CHM: variants seen among roughly 807,000 people sequenced by gnomAD.
CHM encodes rab proteins geranylgeranyltransferase component A 1.
CHM carries 10 observed loss-of-function variants against 49.0 expected under a neutral mutation model. The observed-to-expected ratio is 0.20, with a 90% CI of 0.13 to 0.35. The LOEUF (loss-of-function observed/expected upper bound fraction) is 0.35. Among genes scored for constraint, CHM ranks in the 10% least tolerant of loss-of-function variants. The pLI is 1.00. For synonymous variants in CHM, 184 were observed against 167.5 expected (o/e 1.10, Z -0.76); for missense variants, 455 against 478.4 (o/e 0.95, Z 0.46).
intron 8 of CHM, among the ~76,000 whole-genome samples, chrX:85,911,859 G>A (rs1927048304): frequency 9.0e-6 from 1 of 111,445 alleles, no homozygotes; most frequent in Non-Finnish European, 1.9e-5. Flanking sequence ...GAAGCCCTAG[G>A]GAGTGTGTCT....
chrX:85,984,570 C>A (rs986042470), intron 2 of CHM, among the ~76,000 whole-genome samples: 3 of 111,112 alleles, frequency 2.7e-5, no homozygotes, highest in African/African-American at 9.8e-5. Flanking sequence ...AAATATATAC[C>A]CACCTTATGA....
intron 2 of CHM, among the ~76,000 whole-genome samples, chrX:86,021,989 TAGAC>T (rs1396837614): frequency 9.0e-6 from 1 of 111,624 alleles, no homozygotes; most frequent in Non-Finnish European, 1.9e-5. Context: ...GTCAAAATCA[TAGAC>T]AGAAAGTGGA....
At chrX:86,005,025 T>A (rs1046818089) in intron 2 of CHM, among the ~76,000 whole-genome samples, 6 of 112,024 alleles carry the variant, frequency 5.4e-5, no homozygotes, top group Non-Finnish European at 1.1e-4. Flanking sequence ...AAAGCACTCC[T>A]CAGCAAATGT....
At chrX:85,970,941 T>A (rs1930861773) in intron 4 of CHM, 1 of 728,830 alleles carries the variant, frequency 1.4e-6, no homozygotes, top group Admixed American at 8.9e-5. Context: ...ATTTTAGTCT[T>A]TAGCCTGTTT....
At chrX:85,949,544 A>T (rs886489959) in intron 8 of CHM, among the ~76,000 whole-genome samples, 1 of 110,296 alleles carries the variant, frequency 9.1e-6, no homozygotes, top group Non-Finnish European at 1.9e-5. Flanking sequence ...GGAAAGAGTA[A>T]CTAAGAAAAC....
At chrX:85,986,462 T>A (rs1043926063) in intron 2 of CHM, among the ~76,000 whole-genome samples, 3 of 111,240 alleles carry the variant, frequency 2.7e-5, no homozygotes, top group Non-Finnish European at 5.7e-5. Context: ...TGAGGAAACA[T>A]AGCGGAGGCA....
chrX:85,888,731 G>T (rs73504282), intron 12 of CHM, among the ~76,000 whole-genome samples: 8,709 of 110,802 alleles, frequency 0.079, 759 homozygotes, highest in African/African-American at 0.26. Context: ...AAACCTACAC[G>T]CTCTAGCAAA....
chrX:85,913,375 AG>A (rs1428645334), intron 8 of CHM, among the ~76,000 whole-genome samples: 1 of 103,040 alleles, frequency 9.7e-6, no homozygotes, highest in Non-Finnish European at 2.0e-5. Flanking sequence ...AAAGAAAGAA[AG>A]AAAGAAAGAA....
chrX:85,927,636 C>A (rs1928171665), intron 8 of CHM, among the ~76,000 whole-genome samples: 1 of 111,761 alleles, frequency 8.9e-6, no homozygotes, highest in Non-Finnish European at 1.9e-5. Context: ...ATGTTATTAA[C>A]CCCAAACAAC....
chrX:86,047,080 A>T (rs1322258502), intron 1 of CHM, among the ~76,000 whole-genome samples: 1 of 111,385 alleles, frequency 9.0e-6, no homozygotes, highest in Non-Finnish European at 1.9e-5. Context: ...AGTCCTATGA[A>T]ATGGCGAGAC....
In CHM at chrX:85,878,948, T is replaced by C. The variant is rs1924586672; in HGVS notation, c.1609+17A>G. On this transcript the variant is annotated intron_variant, in intron 13 of 14. Transcript: ENST00000357749. The stretch of plus-strand genomic sequence containing the variant: ...TACATTACCTTTCCATCATGAGTTA[T>C]CAATTATTTTTCTTACCTATCTCCA... 1 of 1,054,245 alleles carries C rather than the reference T, an allele frequency of 9.5e-7. No homozygotes were observed. Among genetic ancestry groups the C allele is most frequent in the South Asian group, 1.9e-5 (1 of 52,405 alleles). The allele number at this position is 1,054,245 out of a possible 1,213,427, so 86.9% of individuals were successfully genotyped here.
intron 1 of CHM, among the ~76,000 whole-genome samples, chrX:86,041,311 ACT>A (rs1934447682): frequency 9.0e-6 from 1 of 110,945 alleles, no homozygotes; most frequent in Non-Finnish European, 1.9e-5. Flanking sequence ...GAGTTAGATA[ACT>A]CTTTACTTTT....
At chrX:85,905,049 T>C (rs1387811548) in intron 9 of CHM, among the ~76,000 whole-genome samples, 4 of 111,607 alleles carry the variant, frequency 3.6e-5, no homozygotes, top group African/African-American at 9.8e-5. Context: ...ACTTAATACC[T>C]GCTCTTACCA....
chrX:86,010,434 C>T (rs1263143489), intron 2 of CHM, among the ~76,000 whole-genome samples: 1 of 108,837 alleles, frequency 9.2e-6, no homozygotes, highest in African/African-American at 3.3e-5. Context: ...AATATTAATT[C>T]CTGAGTTTTT....
Position 86,027,476 on chromosome X carries a change from C to A in CHM, c.116+15G>T, listed in dbSNP as rs749482551. The A allele has an allele frequency of 2.5e-6, 3 of 1,180,150 alleles. No individual in the cohort carries two copies. Among genetic ancestry groups the A allele is most frequent in the Non-Finnish European group, 3.5e-6 (3 of 867,232 alleles). On this transcript the variant is annotated intron_variant, in intron 2 of 14. Coordinates refer to ENST00000357749, the MANE Select transcript of CHM (RefSeq NM_000390.4). ...ATATTTAGGAAATATTAAATGCTAT[C>A]GTTGATAAACTTACGAATCAACATG... is the stretch of plus-strand genomic sequence containing the variant.
chrX:85,934,491 G>T (rs1489955925), intron 8 of CHM, among the ~76,000 whole-genome samples: 1 of 91,691 alleles, frequency 1.1e-5, no homozygotes, highest in Non-Finnish European at 2.1e-5. Flanking sequence ...GTGTCCAAGT[G>T]TTCTCATTGC....
At chrX:86,003,903 T>C (rs887954757) in intron 2 of CHM, among the ~76,000 whole-genome samples, 7 of 111,257 alleles carry the variant, frequency 6.3e-5, no homozygotes, top group Admixed American at 9.6e-5. Context: ...ATTCAGGAAA[T>C]ACAGAGAATG....
chrX:85,996,460 T>C (rs1375393466), intron 2 of CHM, among the ~76,000 whole-genome samples: 1 of 111,554 alleles, frequency 9.0e-6, no homozygotes, highest in East Asian at 2.8e-4. Flanking sequence ...AAAAATCAAC[T>C]ATTTCTATAA....
At chrX:85,946,204 A>G (rs1156742745) in intron 8 of CHM, among the ~76,000 whole-genome samples, 1 of 112,673 alleles carries the variant, frequency 8.9e-6, no homozygotes, top group Admixed American at 9.4e-5. Context: ...TAGAAAAGAA[A>G]AGCCCATTTT....
Sources: gnomAD v4.1 joint callset for allele counts (sites outside exome capture counted in the v4.1 genomes callset) on GRCh38, gnomAD v4.1.1 for gene constraint, MANE v1.5 for transcripts, NCBI Gene and HGNC (gene_info 2026-07-23, HGNC 2026-07-21) for gene names.